Variants in SYNPR observed in about 807,000 individuals in gnomAD.
SYNPR encodes synaptoporin.
Under a neutral mutation model 32.9 loss-of-function variants are expected in SYNPR, and 23 were observed. That is an observed-to-expected ratio of 0.70 (90% CI 0.50 to 0.99). The LOEUF (loss-of-function observed/expected upper bound fraction) is 0.99. SYNPR is among the 50% of genes least tolerant of loss of function. The pLI is 0.00. For missense variants in SYNPR, 318 were observed against 349.3 expected (o/e 0.91, Z 0.71); for synonymous variants, 146 against 135.9 (o/e 1.07, Z -0.52).
chr3:63,221,909 G>A, the SYNPR span, among the ~76,000 whole-genome samples: 14 of 151,492 alleles, frequency 9.2e-5, no homozygotes, highest in South Asian at 1.7e-3. Context: ...AACCAAATAC[G>A]TTGTTGATGA....
chr3:63,517,339 C>G (rs1009967297), intron 3 of SYNPR, among the ~76,000 whole-genome samples: 3 of 151,936 alleles, frequency 2.0e-5, no homozygotes, highest in Non-Finnish European at 2.9e-5. Flanking sequence ...TTTTCCAGTG[C>G]TTAGTAGAGT....
upstream of SYNPR, among the ~76,000 whole-genome samples, chr3:63,273,907 T>C (rs182557293): frequency 1.6e-4 from 25 of 152,348 alleles, no homozygotes; most frequent in Middle Eastern, 6.8e-3. Flanking sequence ...CTATACTTAT[T>C]CTAACATTAG....
Position 63,303,472 on chromosome 3 carries a change from T to C in SYNPR, c.84+24730T>C, listed in dbSNP as rs11926901. ...TGCTTCCCTGGTTTTGAAAATCAAA[T>C]AGTATGTGAACCATGTGTATGAATA... On this transcript the variant is annotated intron_variant, in intron 2 of 5. Transcript: ENST00000478300. Among the ~76,000 whole-genome samples, 352 of 152,122 alleles carry C rather than the reference T, an allele frequency of 2.3e-3. 2 individuals carry two copies. The highest frequency in any genetic ancestry group is 7.8e-3 in the African/African-American group (323 of 41,538).
chr3:63,209,680 G>C, the SYNPR span, among the ~76,000 whole-genome samples: 2 of 152,090 alleles, frequency 1.3e-5, no homozygotes, highest in South Asian at 4.1e-4. Flanking sequence ...TATTTACCTC[G>C]TTAATTTTTC....
At chr3:63,475,400 G>T (rs1700880847) in intron 2 of SYNPR, among the ~76,000 whole-genome samples, 2 of 152,180 alleles carry the variant, frequency 1.3e-5, no homozygotes, top group Admixed American at 1.3e-4. Context: ...TGTCTGCTTT[G>T]TTTGAGGAGT....
At chr3:63,434,543 C>A (rs1183870045) in intron 2 of SYNPR, among the ~76,000 whole-genome samples, 2 of 152,224 alleles carry the variant, frequency 1.3e-5, no homozygotes, top group African/African-American at 2.4e-5. Flanking sequence ...TCTCAGTGTA[C>A]TGGGCAAGAT....
chr3:63,386,135 A>G (rs1434381531), intron 2 of SYNPR, among the ~76,000 whole-genome samples: 1 of 152,184 alleles, frequency 6.6e-6, no homozygotes, highest in Non-Finnish European at 1.5e-5. Flanking sequence ...GCTAACTACA[A>G]ATGAGGGTCC....
chr3:63,209,304 A>T, the SYNPR span, among the ~76,000 whole-genome samples: 3 of 124,170 alleles, frequency 2.4e-5, no homozygotes, highest in East Asian at 6.7e-4. Flanking sequence ...GGTGACAGCG[A>T]GACTCCGTCT....
chr3:63,438,557 ATAT>A (rs1415589161), intron 2 of SYNPR, among the ~76,000 whole-genome samples: 1 of 152,194 alleles, frequency 6.6e-6, no homozygotes, highest in African/African-American at 2.4e-5. Context: ...AGTGATATTA[ATAT>A]TATTTTTATC....
chr3:63,211,866 G>C, the SYNPR span, among the ~76,000 whole-genome samples: 50 of 75,040 alleles, frequency 6.7e-4, no homozygotes, highest in African/African-American at 1.5e-3. Flanking sequence ...CCCCTCCCCC[G>C]ACCCCACCAC....
At chr3:63,464,113 T>C (rs1188597301) in intron 2 of SYNPR, among the ~76,000 whole-genome samples, 2 of 152,210 alleles carry the variant, frequency 1.3e-5, no homozygotes, top group African/African-American at 4.8e-5. Context: ...TAATATTAAA[T>C]GCTTGCTATG....
intron 4 of SYNPR, among the ~76,000 whole-genome samples, chr3:63,584,557 A>C (rs1575723550): frequency 6.6e-6 from 1 of 152,046 alleles, no homozygotes; most frequent in South Asian, 2.1e-4. Context: ...GGAAGATGCT[A>C]TGTGTATTAG....
chr3:63,506,354 G>A (rs1701588156), intron 3 of SYNPR, among the ~76,000 whole-genome samples: 1 of 152,140 alleles, frequency 6.6e-6, no homozygotes, highest in Non-Finnish European at 1.5e-5. Context: ...AAAGCTAATA[G>A]TTATTAATTG....
At chr3:63,358,423 A>G (rs998333588) in intron 2 of SYNPR, among the ~76,000 whole-genome samples, 1 of 152,098 alleles carries the variant, frequency 6.6e-6, no homozygotes, top group African/African-American at 2.4e-5. Flanking sequence ...TCTAGCTCTG[A>G]CTTCCTGCTT....
At chr3:63,388,502 C>T (rs2088085216) in intron 2 of SYNPR, among the ~76,000 whole-genome samples, 1 of 149,168 alleles carries the variant, frequency 6.7e-6, no homozygotes, top group Admixed American at 6.7e-5. Context: ...ATTCTCCTGC[C>T]TAAGCCTCCT....
chr3:63,561,981 ATAGT>A (rs1575712198), intron 4 of SYNPR, among the ~76,000 whole-genome samples: 2 of 152,310 alleles, frequency 1.3e-5, no homozygotes, highest in South Asian at 2.1e-4. Flanking sequence ...GAATGATATA[ATAGT>A]TAGAAAATTG....
At chr3:63,229,921 AC>A (rs1263927747) in intron 1 of SYNPR, among the ~76,000 whole-genome samples, 3 of 152,140 alleles carry the variant, frequency 2.0e-5, no homozygotes, top group African/African-American at 7.2e-5. Flanking sequence ...TTGCTTTAAT[AC>A]CCATTACATT....
chr3:63,316,648 A>G (rs190553485), intron 2 of SYNPR, among the ~76,000 whole-genome samples: 39 of 151,916 alleles, frequency 2.6e-4, no homozygotes, highest in African/African-American at 7.7e-4. Context: ...AATTTTGCTA[A>G]TGGTCTATCA....
At chr3:63,287,349 T>C (rs1335195582) in intron 2 of SYNPR, among the ~76,000 whole-genome samples, 2 of 152,170 alleles carry the variant, frequency 1.3e-5, no homozygotes, top group African/African-American at 4.8e-5. Context: ...CACCTTTTTT[T>C]AGTTGATGAA....
Sources: gnomAD v4.1 joint callset for allele counts (sites outside exome capture counted in the v4.1 genomes callset) on GRCh38, gnomAD v4.1.1 for gene constraint, MANE v1.5 for transcripts, NCBI Gene and HGNC (gene_info 2026-07-23, HGNC 2026-07-21) for gene names.